ANKLE1: variants seen among roughly 807,000 people sequenced by gnomAD.
ANKLE1 encodes the protein structure-specific endonuclease ANKLE1.
ANKLE1 carries 59 observed loss-of-function variants against 56.2 expected under a neutral mutation model. The ratio of observed to expected loss-of-function variants is 1.05; its 90% CI spans 0.85 to 1.30. The LOEUF is 1.30. Among genes scored for constraint, ANKLE1 ranks in the 50% most tolerant of loss-of-function variants. The probability of loss-of-function intolerance (pLI) is 0.00; values close to 1 mark genes in which losing one functional copy is unlikely to be tolerated. For missense variants in ANKLE1, 771 were observed against 816.1 expected (o/e 0.94, Z 0.67); for synonymous variants, 341 against 352.9 (o/e 0.97, Z 0.38).
In ANKLE1 at chr19:17,285,805, T is replaced by C. The variant is rs904149753; in HGVS notation, c.1661T>C (p.Ile554Thr). ...GAGGCTTATACACGGGAGGCGTGTATTGTGGAAGCCCTAGGTGGGTGCCTG... is the reference window on the plus strand; with the variant it reads ...GAGGCTTATACACGGGAGGCGTGTACTGTGGAAGCCCTAGGTGGGTGCCTG... ...AVEAYTREAC[I>T]VEALGIQTLT... The change falls in exon 8 of 9, where the codon ATT (isoleucine) becomes ACT (threonine). Residue 554 changes from isoleucine (I) to threonine (T), a missense_variant. Coordinates refer to ENST00000404085, the MANE Select transcript of ANKLE1 (RefSeq NM_152363.6). 6.2e-7 allele frequency: 1 copy of C among 1,613,702 alleles called. No individual in the cohort carries two copies.
At chr19:17,286,070 G>A (rs190179149) in intron 8 of ANKLE1, among the ~76,000 whole-genome samples, 21 of 152,204 alleles carry the variant, frequency 1.4e-4, no homozygotes, top group South Asian at 4.1e-4. Context: ...GTGTGGTGGC[G>A]TGATCCCGAC....
intron 2 of ANKLE1, 137 bp downstream of exon 2, chr19:17,282,346 G>A (rs2073982630): frequency 1.5e-6 from 2 of 1,297,938 alleles, no homozygotes; most frequent in Non-Finnish European, 1.0e-6. Context: ...GGGAACTTGG[G>A]GGTCCAAGGG....
chr19:17,285,308 C>G (rs1345955830), intron 6 of ANKLE1, 123 bp from the exon 7 acceptor site: 1 of 1,167,286 alleles, frequency 8.6e-7, no homozygotes, highest in East Asian at 2.4e-5. Flanking sequence ...GAGCCGCTGA[C>G]TCTCTCTGAT....
chr19:17,283,274 C>T lies in ANKLE1; in HGVS notation c.510C>T (p.Leu170=). The T allele has an allele frequency of 6.2e-7, 1 of 1,613,614 alleles. No individual in the cohort carries two copies. The highest frequency in any genetic ancestry group is 1.3e-5 in the African/African-American group (1 of 75,038). ...ATGAGACGCTGGACTCCATAGCACT[C>T]CAAAAGCAGCCATGCAGAGGTGACA... ...PTDETLDSIA[L]QKQPCRGDNR... The change falls in exon 5 of 9, where the codon CTC becomes CTT. Residue 170 remains leucine (L), a synonymous_variant. Transcript: ENST00000404085.
chr19:17,282,578 C>G, intron 2 of ANKLE1, 78 bp from the exon 3 acceptor site: 1 of 1,383,792 alleles, frequency 7.2e-7, no homozygotes, highest in Non-Finnish European at 9.9e-7. Context: ...AACGAAGGCT[C>G]CAGGTCCCCA....
In ANKLE1 at chr19:17,286,933, G is replaced by A; in HGVS notation, c.*381G>A. 1 of 489,436 alleles carries A rather than the reference G, an allele frequency of 2.0e-6. No individual in the cohort carries two copies. The highest frequency in any genetic ancestry group is 2.8e-6 in the Non-Finnish European group (1 of 360,140). The allele number at this position is 489,436 out of a possible 1,614,324, so 30.3% of individuals were successfully genotyped here. ...GGTAAAATGAGGCTGAAACCTACTG[G>A]GCTGCATTCCCAGATGGTTAAAGCA... On this transcript the variant is annotated 3_prime_UTR_variant, in exon 9 of 9. Transcript: ENST00000404085.
At chr19:17,285,611 G>T in intron 7 of ANKLE1, 21 bp downstream of exon 7, 1 of 1,613,938 alleles carries the variant, frequency 6.2e-7, no homozygotes. Context: ...AGGGATCAGG[G>T]TTCAGCGAGG....
Position 17,283,766 on chromosome 19 carries a change from C to G in ANKLE1, c.1002C>G (p.Leu334=), listed in dbSNP as rs2074002265. 2 of 1,613,734 alleles carry G rather than the reference C, an allele frequency of 1.2e-6. No homozygotes were observed. The highest frequency in any genetic ancestry group is 2.2e-5 in the East Asian group (1 of 44,884). ...CCATTGATAGTGACATGGCCACGCT[C>G]TGGCTGACAGAGGATGAGGCAAGCT... ...QTSIDSDMAT[L]WLTEDEASST... The change falls in exon 5 of 9, where the codon CTC becomes CTG. Residue 334 remains leucine (L), a synonymous_variant. Transcript: ENST00000404085.
chr19:17,281,924 T>G lies in ANKLE1; in HGVS notation c.4T>G (p.Cys2Gly). ...GCGCTTCGGACCCAGCCAGGGCATG[T>G]GCTCGGAGGCCCGCCTGGCTCGCAG... Reference protein sequence around the residue: MCSEARLARRLR... With the variant: MGSEARLARRLR... Residue 2 changes from cysteine (C) to glycine (G), a missense_variant, in exon 1 of 9, where the codon TGC becomes GGC. Transcript: ENST00000404085. 3.3e-6 allele frequency: 5 copies of G among 1,534,778 alleles called. No homozygotes were observed. The highest frequency in any genetic ancestry group is 4.4e-6 in the Non-Finnish European group (5 of 1,145,906).
rs139383004 is a variant in ANKLE1, at chr19:17,283,431, A to C, written c.667A>C (p.Thr223Pro). Residue 223 changes from threonine (T) to proline (P), a missense_variant, in exon 5 of 9, where the codon ACA (threonine) becomes CCA (proline). By Grantham distance (38) the Thr-to-Pro change is conservative. Coordinates refer to ENST00000404085, the MANE Select transcript of ANKLE1 (RefSeq NM_152363.6). ...TTACAGCTCAGACGCCTCTTTCGTC[A>C]CAGCGGTTGAGGTCTCTGGAGCTGA... ...WDYSSDASFV[T>P]AVEVSGAEDP... 5.4e-5 allele frequency: 87 copies of C among 1,613,482 alleles called. No individual in the cohort carries two copies. The African/African-American group carries it at 1.1e-3, about 21-fold the overall frequency.
Position 17,282,673 on chromosome 19 carries a change from C to T in ANKLE1, c.233C>T (p.Thr78Met). 1.3e-6 allele frequency: 2 copies of T among 1,534,768 alleles called. No homozygotes were observed. The highest frequency in any genetic ancestry group is 1.7e-6 in the Non-Finnish European group (2 of 1,146,712). The change falls in exon 3 of 9, where the codon ACG becomes ATG. Residue 78 changes from threonine to methionine, a missense_variant. Transcript: ENST00000404085. The stretch of plus-strand genomic sequence containing the variant: ...CGCCCCAGATCTGTCGAGGCACTGA[C>T]GCCGCTGCATGTGGCCGCCGCGTGG... ...DPNARSVEAL[T>M]PLHVAAAWGC...
In ANKLE1 at chr19:17,283,950, C is replaced by T; in HGVS notation, c.1186C>T (p.Gln396Ter). Residue 396 changes from glutamine (Q) to a stop codon, truncating the protein, a stop_gained, in exon 5 of 9, where the codon CAG (glutamine) becomes TAG (stop). Coordinates refer to ENST00000404085, the MANE Select transcript of ANKLE1 (RefSeq NM_152363.6). LOFTEE classifies it high-confidence loss of function. Reference protein sequence around the residue: ...QLYHQQLEEAQIAPGPEFSGH... With the variant: ...QLYHQQLEEA The stretch of plus-strand genomic sequence containing the variant: ...GTACCACCAGCAGCTGGAAGAAGCC[C>T]AGATTGCTCCTGGTTAGTCTTCCCA... 2 of 1,604,518 alleles carry T rather than the reference C, an allele frequency of 1.2e-6. No individual in the cohort carries two copies. The highest frequency in any genetic ancestry group is 1.7e-6 in the Non-Finnish European group (2 of 1,173,526).
In ANKLE1 at chr19:17,286,677, TG is replaced by T; in HGVS notation, c.*126del. On this transcript the variant is annotated 3_prime_UTR_variant, in exon 9 of 9. Coordinates refer to ENST00000404085, the MANE Select transcript of ANKLE1 (RefSeq NM_152363.6). The stretch of plus-strand genomic sequence containing the variant: ...GTGTGTGTGTGTGTGTGTGTGTGTG[TG>T]TGTGTGTGTGTGTTTGTGTGTGTGT... 1 of 1,052,532 alleles carries T rather than the reference TG, an allele frequency of 9.5e-7. No individual in the cohort carries two copies. The highest frequency in any genetic ancestry group is 1.3e-6 in the Non-Finnish European group (1 of 767,548). The allele number at this position is 1,052,532 out of a possible 1,614,324, so 65.2% of individuals were successfully genotyped here.
At position 17,287,154 on chromosome 19, in the gene ANKLE1, G is replaced by C. The variant is rs1307384002; in HGVS notation, c.*602G>C. ...AGTTTACAAATGCCATGGCTGGCCA[G>C]GCGCGGTGGCTCACGCCTGTAATCC... is the stretch of plus-strand genomic sequence containing the variant. On this transcript the variant is annotated 3_prime_UTR_variant, in exon 9 of 9. Transcript: ENST00000404085. 1 of 152,414 alleles carries C rather than the reference G, an allele frequency of 6.6e-6. No individual in the cohort carries two copies. Among genetic ancestry groups the C allele is most frequent in the Non-Finnish European group, 1.5e-5 (1 of 68,180 alleles). The allele number at this position is 152,414 out of a possible 1,614,324, so 9.4% of individuals were successfully genotyped here.
Position 17,286,602 on chromosome 19 carries a change from A to G in ANKLE1, c.*50A>G, listed in dbSNP as rs1426839089. ...CTGGGGAGAAATGTTTGAATGTTCC[A>G]GCTGCCCCATGCTGACAGCAGCCCC... On this transcript the variant is annotated 3_prime_UTR_variant, in exon 9 of 9. Coordinates refer to ENST00000404085, the MANE Select transcript of ANKLE1 (RefSeq NM_152363.6). 1 of 1,559,654 alleles carries G rather than the reference A, an allele frequency of 6.4e-7. No homozygotes were observed. The highest frequency in any genetic ancestry group is 8.7e-7 in the Non-Finnish European group (1 of 1,153,112).
Position 17,282,206 on chromosome 19 carries a change from C to T in ANKLE1, c.212C>T (p.Ala71Val), listed in dbSNP as rs1864116. 1,171,696 of 1,505,704 alleles carry T rather than the reference C, an allele frequency of 0.78. 463,729 individuals carry two copies. The highest frequency in any genetic ancestry group is 0.81 in the Non-Finnish European group (916,993 of 1,132,312). 93.3% of individuals were successfully genotyped at this position (1,505,704 alleles called of 1,614,324 possible). Reference sequence around the variant, plus strand: ...CTGCGCCAAGGCGGGGACCCCAACGCTCGGTAAGATAGAGCCTGGGTCCGG... The same window carrying T: ...CTGCGCCAAGGCGGGGACCCCAACGTTCGGTAAGATAGAGCCTGGGTCCGG... ...ALLRQGGDPN[A>V]RSVEALTPLH... Residue 71 changes from alanine (A) to valine (V), a missense_variant, in exon 2 of 9, where the codon GCT becomes GTT. Transcript: ENST00000404085.
chr19:17,283,785 G>A lies in ANKLE1; in HGVS notation c.1021G>A (p.Ala341Thr), dbSNP rs149075471. The change falls in exon 5 of 9, where the codon GCA becomes ACA. Residue 341 changes from alanine (A) to threonine (T), a missense_variant. Coordinates refer to ENST00000404085, the MANE Select transcript of ANKLE1 (RefSeq NM_152363.6). Reference protein sequence around the residue: ...MATLWLTEDEASSTGGREPVG... With the variant: ...MATLWLTEDETSSTGGREPVG... ...CACGCTCTGGCTGACAGAGGATGAGGCAAGCTCTACAGGTGGCAGGGAACC... is the reference window on the plus strand; with the variant it reads ...CACGCTCTGGCTGACAGAGGATGAGACAAGCTCTACAGGTGGCAGGGAACC... 4,425 of 1,613,610 alleles carry A rather than the reference G, an allele frequency of 2.7e-3. 13 individuals carry two copies. Among genetic ancestry groups the A allele is most frequent in the Non-Finnish European group, 3.6e-3 (4,223 of 1,179,898 alleles).
rs1415960321 is a variant in ANKLE1, at chr19:17,282,401, G to T, written c.215+192G>T. The T allele has an allele frequency of 9.6e-6, 9 of 939,800 alleles. No individual in the cohort carries two copies. The East Asian group carries it at 1.8e-4, about 19-fold the overall frequency. The allele number at this position is 939,800 out of a possible 1,614,324, so 58.2% of individuals were successfully genotyped here. The stretch of plus-strand genomic sequence containing the variant: ...GAGGCGCTGGGGTCCCAGACCGAGG[G>T]CGTGGAATGGGGCTGCGCTAGGACC... On this transcript the variant is annotated intron_variant, in intron 2 of 8. Transcript: ENST00000404085.
chr19:17,283,344 C>T lies in ANKLE1; in HGVS notation c.580C>T (p.Pro194Ser), dbSNP rs1302997965. The T allele has an allele frequency of 8.7e-6, 14 of 1,613,502 alleles. No individual in the cohort carries two copies. The highest frequency in any genetic ancestry group is 1.1e-5 in the South Asian group (1 of 91,088). ...GGCTGACCCAGGACCCCCCAGCCTC[C>T]CTGTTCCCCTTGAAACTGTGGACAA... ...LEADPGPPSL[P>S]VPLETVDKHG... Residue 194 changes from proline to serine, a missense_variant, in exon 5 of 9, where the codon CCT becomes TCT. Transcript: ENST00000404085.
Sources: gnomAD v4.1 joint callset for allele counts (sites outside exome capture counted in the v4.1 genomes callset) on GRCh38, gnomAD v4.1.1 for gene constraint, MANE v1.5 for transcripts, NCBI Gene and HGNC (gene_info 2026-07-23, HGNC 2026-07-21) for gene names.